The following UACA variants were observed in gnomAD, a reference collection of about 807,000 sequenced individuals.
UACA encodes uveal autoantigen with coiled-coil domains and ankyrin repeats.
Under a neutral mutation model 160.5 loss-of-function variants are expected in UACA, and 112 were observed. The observed-to-expected ratio is 0.70, with a 90% CI of 0.60 to 0.82. The LOEUF is 0.82. Among genes scored for constraint, UACA ranks in the 40% least tolerant of loss-of-function variants. The probability of loss-of-function intolerance (pLI) is 0.00; values close to 1 mark genes in which losing one functional copy is unlikely to be tolerated. For missense variants in UACA, 1,574 were observed against 1,614.6 expected (o/e 0.97, Z 0.43); for synonymous variants, 557 against 568.4 (o/e 0.98, Z 0.29).
chr15:70,777,970 C>T, the UACA span, among the ~76,000 whole-genome samples: 7 of 152,236 alleles, frequency 4.6e-5, no homozygotes, highest in Non-Finnish European at 4.4e-5. Context: ...ATGTTTGTCT[C>T]CCCCAATAAA....
chr15:70,759,351 A>T (rs897687572), intron 1 of UACA, among the ~76,000 whole-genome samples: 1 of 152,218 alleles, frequency 6.6e-6, no homozygotes, highest in Non-Finnish European at 1.5e-5. Flanking sequence ...CAACTTAGTA[A>T]GTGATTAAAA....
chr15:70,689,132 C>T (rs1897834925), intron 5 of UACA, among the ~76,000 whole-genome samples: 1 of 152,132 alleles, frequency 6.6e-6, no homozygotes, highest in South Asian at 2.1e-4. Flanking sequence ...TTCCTGCTAG[C>T]TAGAATACGG....
In UACA at chr15:70,683,445, C is replaced by A. The variant is rs567307750; in HGVS notation, c.785-650G>T. Among the ~76,000 whole-genome samples, 3 of 152,244 alleles carry A rather than the reference C, an allele frequency of 2.0e-5. No homozygotes were observed. In the South Asian group the frequency reaches 6.2e-4, roughly 32 times the overall value. On this transcript the variant is annotated intron_variant, in intron 8 of 18. Transcript: ENST00000322954. ...TAGACCAAAGGCTTAAAGAAATGTG[C>A]ATGCCCTGAAACTCAGTGATTCAAT...
intron 1 of UACA, among the ~76,000 whole-genome samples, chr15:70,738,121 A>G (rs1899424130): frequency 6.6e-6 from 1 of 152,230 alleles, no homozygotes; most frequent in Non-Finnish European, 1.5e-5. Context: ...GTAAAAGACT[A>G]TAGAAAAAGG....
At chr15:70,684,205 C>A in intron 8 of UACA, 60 bp downstream of exon 8, 2 of 1,468,578 alleles carry the variant, frequency 1.4e-6, no homozygotes, top group South Asian at 1.4e-5. Flanking sequence ...CTACCTAAGT[C>A]TTTTAAAAAG....
chr15:70,676,605 G>A lies in UACA; in HGVS notation c.1033-14C>T, dbSNP rs1457765664. ...CAGCTTTTCTCTCTGAAATGAAACAGAATAAATACAGTAAAATCACCCTGT... is the reference window on the plus strand; with the variant it reads ...CAGCTTTTCTCTCTGAAATGAAACAAAATAAATACAGTAAAATCACCCTGT... On this transcript the variant is annotated splice_polypyrimidine_tract_variant and intron_variant, in intron 12 of 18. Coordinates refer to ENST00000322954, the MANE Select transcript of UACA (RefSeq NM_018003.4). 1.3e-6 allele frequency: 2 copies of A among 1,594,120 alleles called. No homozygotes were observed. Among genetic ancestry groups the A allele is most frequent in the Non-Finnish European group, 1.7e-6 (2 of 1,165,016 alleles).
At chr15:70,663,583 G>A (rs1376658647) in intron 17 of UACA, among the ~76,000 whole-genome samples, 2 of 151,816 alleles carry the variant, frequency 1.3e-5, no homozygotes, top group East Asian at 1.9e-4. Flanking sequence ...TGTTTATTGC[G>A]GCACTGTTCA....
chr15:70,663,451 C>T (rs963340912), intron 17 of UACA, among the ~76,000 whole-genome samples: 6 of 152,114 alleles, frequency 3.9e-5, no homozygotes, highest in African/African-American at 1.4e-4. Context: ...GTCAGTGTGG[C>T]GATTCCTCAG....
At chr15:70,659,391 GTTTGTTTTTTTTTT>G (rs1427019092) in intron 18 of UACA, among the ~76,000 whole-genome samples, 8 of 9,956 alleles carry the variant, frequency 8.0e-4, no homozygotes, top group African/African-American at 1.3e-3. Flanking sequence ...TTCATTTTTT[GTTTGTTTTTTTTTT>G]TTTTTTTTTT....
rs138540280 is a variant in UACA at position 70,680,392 on chromosome 15, T to TA, written c.823-717dup. 3.7e-4 allele frequency among the ~76,000 whole-genome samples: 56 copies of TA among 149,502 alleles called. 1 individual carries two copies. The highest frequency in any genetic ancestry group is 3.5e-3 in the Middle Eastern group (1 of 284). ...GCTATTTATTTCTTCCTAATTAGGT[T>TA]AAAAAAAAAACTACTGCTTTAATTC... On this transcript the variant is annotated intron_variant, in intron 9 of 18. Coordinates refer to ENST00000322954, the MANE Select transcript of UACA (RefSeq NM_018003.4).
intron 1 of UACA, among the ~76,000 whole-genome samples, chr15:70,747,476 TC>T (rs1899746994): frequency 1.3e-5 from 2 of 152,088 alleles, no homozygotes; most frequent in African/African-American, 2.4e-5. Flanking sequence ...CTCAAGGGAT[TC>T]TCCTGCCTCA....
At chr15:70,770,618 G>A in the UACA span, among the ~76,000 whole-genome samples, 2 of 152,156 alleles carry the variant, frequency 1.3e-5, no homozygotes, top group South Asian at 2.1e-4. Context: ...GCCAGGCTAG[G>A]GAGAAGCATG....
intron 1 of UACA, among the ~76,000 whole-genome samples, chr15:70,744,557 TA>T (rs1386662550): frequency 3.9e-5 from 6 of 152,138 alleles, no homozygotes; most frequent in Non-Finnish European, 8.8e-5. Flanking sequence ...ATTAATGGAA[TA>T]AAAGCTACCT....
intron 5 of UACA, among the ~76,000 whole-genome samples, chr15:70,688,483 C>CT (rs963688912): frequency 5.8e-4 from 88 of 151,834 alleles, no homozygotes; most frequent in African/African-American, 2.0e-3. Context: ...AGTGAGCATT[C>CT]TTTTTTTTAT....
intron 15 of UACA, among the ~76,000 whole-genome samples, chr15:70,670,122 G>A (rs1897083618): frequency 6.6e-6 from 1 of 152,174 alleles, no homozygotes; most frequent in African/African-American, 2.4e-5. Context: ...CCTGGAGCTG[G>A]TGACAGCGGC....
At chr15:70,745,350 G>C (rs1489779517) in intron 1 of UACA, among the ~76,000 whole-genome samples, 1 of 151,824 alleles carries the variant, frequency 6.6e-6, no homozygotes, top group Admixed American at 6.6e-5. Flanking sequence ...CAGGAGAGTG[G>C]CGTGAACCCG....
chr15:70,689,690 T>C (rs142877902), intron 5 of UACA, among the ~76,000 whole-genome samples: 90 of 152,248 alleles, frequency 5.9e-4, no homozygotes, highest in African/African-American at 2.0e-3. Context: ...TTTGGCCTTA[T>C]AGTTAAATGT....
intron 1 of UACA, among the ~76,000 whole-genome samples, chr15:70,747,397 T>A (rs1410151429): frequency 2.6e-5 from 4 of 151,732 alleles, no homozygotes; most frequent in Non-Finnish European, 5.9e-5. Context: ...GGAGACAAGG[T>A]CTTGCTCTAT....
intron 1 of UACA, among the ~76,000 whole-genome samples, chr15:70,741,176 CCTG>C (rs1899524133): frequency 6.6e-6 from 1 of 152,186 alleles, no homozygotes; most frequent in Admixed American, 6.5e-5. Context: ...GAGGCAAGAG[CCTG>C]CTGTTCTCAC....
Sources: gnomAD v4.1 joint callset for allele counts (sites outside exome capture counted in the v4.1 genomes callset) on GRCh38, gnomAD v4.1.1 for gene constraint, MANE v1.5 for transcripts, NCBI Gene and HGNC (gene_info 2026-07-23, HGNC 2026-07-21) for gene names.